GRIA4: variants seen among roughly 807,000 people sequenced by gnomAD.
GRIA4 encodes the protein glutamate ionotropic receptor AMPA type subunit 4, also known as glutamate receptor 4.
A neutral mutation model predicts 104.0 loss-of-function variants in GRIA4; 34 were observed. That is an observed-to-expected ratio of 0.33 (90% CI 0.25 to 0.44). The LOEUF (loss-of-function observed/expected upper bound fraction) is 0.44, where lower values mean the gene tolerates loss of function less well. Among genes scored for constraint, GRIA4 ranks in the 20% least tolerant of loss-of-function variants. The probability of loss-of-function intolerance (pLI) is 1.00; values close to 1 mark genes in which losing one functional copy is unlikely to be tolerated. For synonymous variants in GRIA4, 386 were observed against 381.9 expected (o/e 1.01, Z -0.13); for missense variants, 750 against 1,096.5 (o/e 0.68, Z 4.46).
chr11:105,637,574 T>A (rs78329770), intron 3 of GRIA4, among the ~76,000 whole-genome samples: 1,567 of 152,062 alleles, frequency 0.01, 30 homozygotes, highest in East Asian at 0.046. Flanking sequence ...AAGTTTCGAG[T>A]GTAGTAGGAG....
chr11:105,760,752 A>T, intron 4 of GRIA4, among the ~76,000 whole-genome samples: 1 of 150,944 alleles, frequency 6.6e-6, no homozygotes, highest in African/African-American at 2.4e-5. Flanking sequence ...TCTTTCTATC[A>T]TGTTTGTTAA....
intron 4 of GRIA4, among the ~76,000 whole-genome samples, chr11:105,850,968 G>A (rs766827072): frequency 6.6e-6 from 1 of 152,162 alleles, no homozygotes; most frequent in African/African-American, 2.4e-5. Flanking sequence ...AAAGCAGACT[G>A]TAATATCAGA....
At chr11:105,744,850 T>C (rs966423985) in intron 3 of GRIA4, among the ~76,000 whole-genome samples, 1 of 152,180 alleles carries the variant, frequency 6.6e-6, no homozygotes, top group Non-Finnish European at 1.5e-5. Flanking sequence ...TAACCACATG[T>C]TATGTGTTAC....
intron 3 of GRIA4, among the ~76,000 whole-genome samples, chr11:105,709,857 A>G (rs1344496138): frequency 6.6e-6 from 1 of 152,174 alleles, no homozygotes; most frequent in Non-Finnish European, 1.5e-5. Flanking sequence ...TTTGAGGATC[A>G]GTATCAGATG....
chr11:105,845,740 C>G (rs1944566251), intron 4 of GRIA4, among the ~76,000 whole-genome samples: 1 of 151,906 alleles, frequency 6.6e-6, no homozygotes, highest in African/African-American at 2.4e-5. Context: ...AAAAATTAGC[C>G]AGGTGTGGTG....
chr11:105,753,852 T>C (rs1411616793), intron 4 of GRIA4, among the ~76,000 whole-genome samples: 2 of 152,020 alleles, frequency 1.3e-5, no homozygotes, highest in Non-Finnish European at 2.9e-5. Flanking sequence ...AACAGACAAA[T>C]AGAAGAAATG....
chr11:105,949,404 A>G (rs1948407706), intron 14 of GRIA4, among the ~76,000 whole-genome samples: 1 of 152,138 alleles, frequency 6.6e-6, no homozygotes, highest in Admixed American at 6.5e-5. Context: ...ATCACTTCTT[A>G]TGTAGTTCTT....
intron 3 of GRIA4, among the ~76,000 whole-genome samples, chr11:105,720,314 T>C (rs1004544958): frequency 6.6e-6 from 1 of 151,996 alleles, no homozygotes; most frequent in African/African-American, 2.4e-5. Context: ...GCCAAGCAGT[T>C]TGCAGCCTGC....
chr11:105,669,209 A>G (rs1010137487), intron 3 of GRIA4, among the ~76,000 whole-genome samples: 1 of 151,810 alleles, frequency 6.6e-6, no homozygotes, highest in African/African-American at 2.4e-5. Context: ...TTTAGACCGC[A>G]ATTTTTTTCC....
chr11:105,623,747 T>C (rs1223299514), intron 3 of GRIA4, among the ~76,000 whole-genome samples: 2 of 152,026 alleles, frequency 1.3e-5, no homozygotes, highest in Admixed American at 1.3e-4. Flanking sequence ...CTATATCACA[T>C]TGCCAACCTA....
intron 4 of GRIA4, among the ~76,000 whole-genome samples, 197 bp from the exon 5 acceptor site, chr11:105,861,827 T>A (rs964953729): frequency 4.6e-5 from 7 of 152,192 alleles, no homozygotes; most frequent in Non-Finnish European, 7.4e-5. Context: ...CTTCATTCAA[T>A]CAACATTTTA....
chr11:105,728,750 C>A (rs2135598345), intron 3 of GRIA4, among the ~76,000 whole-genome samples: 1 of 152,278 alleles, frequency 6.6e-6, no homozygotes, highest in Admixed American at 6.5e-5. Context: ...TCCTGAATCA[C>A]TGCTGGATAA....
chr11:105,888,798 A>T (rs925272907), intron 6 of GRIA4, among the ~76,000 whole-genome samples: 1 of 152,256 alleles, frequency 6.6e-6, no homozygotes, highest in East Asian at 1.9e-4. Flanking sequence ...ACTGTGAACC[A>T]TGATTATATT....
chr11:105,661,843 A>G (rs908318304), intron 3 of GRIA4, among the ~76,000 whole-genome samples: 4 of 151,838 alleles, frequency 2.6e-5, no homozygotes, highest in Non-Finnish European at 4.4e-5. Flanking sequence ...TTTCCTTGTC[A>G]TTATAGAACT....
chr11:105,835,704 A>C lies in GRIA4; in HGVS notation c.488-26320A>C, dbSNP rs569455000. 2.6e-5 allele frequency among the ~76,000 whole-genome samples: 4 copies of C among 152,200 alleles called. No homozygotes were observed. The South Asian group carries it at 8.3e-4, about 32-fold the overall frequency. On this transcript the variant is annotated intron_variant, in intron 4 of 16. Coordinates refer to ENST00000282499, the MANE Select transcript of GRIA4 (RefSeq NM_000829.4). ...AACTACATTATTTTTCATGGCTTTT[A>C]ATCAACATGAAAAAGAGTGAAAGTC...
At chr11:105,827,452 A>C (rs1943812625) in intron 4 of GRIA4, among the ~76,000 whole-genome samples, 1 of 152,030 alleles carries the variant, frequency 6.6e-6, no homozygotes, top group South Asian at 2.1e-4. Flanking sequence ...TATTTCAAAA[A>C]ATTTTCTCAT....
chr11:105,621,225 G>A (rs138255655), intron 3 of GRIA4, among the ~76,000 whole-genome samples: 105 of 151,570 alleles, frequency 6.9e-4, no homozygotes, highest in Middle Eastern at 3.4e-3. Context: ...AATATATTAT[G>A]CCCTGTGATT....
At chr11:105,971,441 A>G (rs1416052917) in intron 14 of GRIA4, among the ~76,000 whole-genome samples, 5 of 152,202 alleles carry the variant, frequency 3.3e-5, no homozygotes, top group African/African-American at 1.2e-4. Context: ...AATGATGGAT[A>G]CTGTAGACAT....
chr11:105,795,322 G>A (rs1171007904), intron 4 of GRIA4, among the ~76,000 whole-genome samples: 1 of 152,140 alleles, frequency 6.6e-6, no homozygotes, highest in African/African-American at 2.4e-5. Flanking sequence ...AACTGATAGA[G>A]GAAGAATACG....
Sources: allele counts gnomAD v4.1 joint callset (sites outside exome capture counted in the v4.1 genomes callset), GRCh38; gene constraint gnomAD v4.1.1; transcripts MANE v1.5; gene names NCBI Gene and HGNC (gene_info 2026-07-23, HGNC 2026-07-21).